Variants in IL18 observed in about 807,000 individuals in gnomAD.
The protein encoded by IL18 is interleukin-18.
Under a neutral mutation model 14.2 loss-of-function variants are expected in IL18, and 8 were observed. The observed-to-expected ratio is 0.56, with a 90% CI of 0.33 to 1.01. IL18 has a LOEUF of 1.01. Among genes scored for constraint, IL18 ranks in the 50% least tolerant of loss-of-function variants. IL18 has a pLI of 0.03. For missense variants in IL18, 166 were observed against 231.1 expected (o/e 0.72, Z 1.83); for synonymous variants, 67 against 71.0 (o/e 0.94, Z 0.28).
chr11:112,149,391 A>ATTGTT (rs1866397535), intron 4 of IL18, among the ~76,000 whole-genome samples: 1 of 151,962 alleles, frequency 6.6e-6, no homozygotes, highest in Non-Finnish European at 1.5e-5. Context: ...ATTCTAAAAG[A>ATTGTT]TTGTTTTTAA....
intron 1 of IL18, among the ~76,000 whole-genome samples, chr11:112,163,236 C>T (rs914579586): frequency 6.6e-6 from 1 of 152,078 alleles, no homozygotes; most frequent in African/African-American, 2.4e-5. Context: ...GTAGCCCAGT[C>T]CAAAGGTGTG....
chr11:112,156,149 T>C (rs1010918116), intron 1 of IL18, among the ~76,000 whole-genome samples: 1 of 152,162 alleles, frequency 6.6e-6, no homozygotes, highest in African/African-American at 2.4e-5. Context: ...TATTCATAAA[T>C]CTGTGCTCAA....
intron 5 of IL18, among the ~76,000 whole-genome samples, chr11:112,147,883 CT>C (rs1866369895): frequency 6.6e-6 from 1 of 152,262 alleles, no homozygotes; most frequent in Non-Finnish European, 1.5e-5. Flanking sequence ...CCTGGCTACT[CT>C]TACTGGCTCA....
At chr11:112,150,993 G>A (rs1866428905) in intron 3 of IL18, 1 of 152,164 alleles carries the variant, frequency 6.6e-6, no homozygotes, top group Admixed American at 6.5e-5. Flanking sequence ...TGCTCGGCAT[G>A]TACCCTCTAC....
At position 112,151,380 on chromosome 11, in the gene IL18, T is replaced by C. The variant is rs528320772; in HGVS notation, c.92-1174A>G. ...ATATACATAGAAAGGAGTGTAGAAA[T>C]ATTGTATCAAAATGGTAGCTATCAT... is the stretch of plus-strand genomic sequence containing the variant. On this transcript the variant is annotated intron_variant, in intron 3 of 5. Transcript: ENST00000280357. 3.3e-5 allele frequency among the ~76,000 whole-genome samples: 5 copies of C among 152,246 alleles called. No individual in the cohort carries two copies. The East Asian group carries it at 9.6e-4, about 29-fold the overall frequency.
At chr11:112,147,714 C>T (rs1421331609) in intron 5 of IL18, among the ~76,000 whole-genome samples, 1 of 152,142 alleles carries the variant, frequency 6.6e-6, no homozygotes, top group East Asian at 1.9e-4. Context: ...TTCTCCCTAC[C>T]AAGTTGCCCC....
chr11:112,144,436 G>A (rs972152467), intron 5 of IL18, among the ~76,000 whole-genome samples: 9 of 152,086 alleles, frequency 5.9e-5, no homozygotes, highest in African/African-American at 1.7e-4. Flanking sequence ...GGGGTCAGGG[G>A]GTATCTCACT....
chr11:112,153,618 AAG>A lies in IL18; in HGVS notation c.80-17_80-16del, dbSNP rs1359430236. The A allele has an allele frequency of 2.6e-6, 4 of 1,548,104 alleles. No individual in the cohort carries two copies. Among genetic ancestry groups the A allele is most frequent in the East Asian group, 2.3e-5 (1 of 44,268 alleles). On this transcript the variant is annotated splice_polypyrimidine_tract_variant and intron_variant, in intron 2 of 5. Transcript: ENST00000280357. ...ATCATCTTCAGCTAAGAGGGGGAAA[AAG>A]AGAGAAACAGAATATGTAAAATTTT...
chr11:112,146,238 T>C (rs578240651), intron 5 of IL18, among the ~76,000 whole-genome samples: 1 of 152,266 alleles, frequency 6.6e-6, no homozygotes, highest in South Asian at 2.1e-4. Context: ...CTTAGTGTTG[T>C]CAAGGTTCTT....
At chr11:112,149,432 A>G (rs1303979727) in intron 4 of IL18, among the ~76,000 whole-genome samples, 1 of 152,036 alleles carries the variant, frequency 6.6e-6, no homozygotes, top group African/African-American at 2.4e-5. Flanking sequence ...TATTTAAAAT[A>G]TATGTTAAGG....
At chr11:112,161,596 C>T (rs569543591) in intron 1 of IL18, among the ~76,000 whole-genome samples, 105 of 152,224 alleles carry the variant, frequency 6.9e-4, no homozygotes, top group Admixed American at 2.4e-3. Context: ...GTCAGGAGTT[C>T]GAGACCAGCC....
intron 5 of IL18, among the ~76,000 whole-genome samples, chr11:112,148,375 C>T (rs1866377249): frequency 6.6e-6 from 1 of 152,104 alleles, no homozygotes; most frequent in Non-Finnish European, 1.5e-5. Context: ...GTGACAGGCT[C>T]AGAAAAACCA....
intron 1 of IL18, among the ~76,000 whole-genome samples, chr11:112,158,703 A>G (rs1866577891): frequency 6.6e-6 from 1 of 152,190 alleles, no homozygotes; most frequent in South Asian, 2.1e-4. Context: ...AATTCTACCA[A>G]GTATAAGAGA....
chr11:112,154,658 CT>C (rs1866502446), intron 2 of IL18, among the ~76,000 whole-genome samples: 1 of 152,188 alleles, frequency 6.6e-6, no homozygotes, highest in South Asian at 2.1e-4. Flanking sequence ...CAGTTTTGTA[CT>C]GGGATTTTTC....
Position 112,145,872 on chromosome 11 carries a change from G to T in IL18, c.361-2055C>A, listed in dbSNP as rs1285293600. ...AGAATAGAGGTAAGGACATCCTTGG[G>T]CAGTAGCTTTCCTAGTTTTGATGTT... On this transcript the variant is annotated intron_variant, in intron 5 of 5. Transcript: ENST00000280357. Among the ~76,000 whole-genome samples, 4 of 152,146 alleles carry T rather than the reference G, an allele frequency of 2.6e-5. No individual in the cohort carries two copies. The South Asian group carries it at 8.3e-4, about 31-fold the overall frequency.
intron 5 of IL18, among the ~76,000 whole-genome samples, chr11:112,147,566 G>T (rs1202290809): frequency 6.6e-6 from 1 of 152,198 alleles, no homozygotes; most frequent in Non-Finnish European, 1.5e-5. Context: ...TGCCTGTCAG[G>T]TCTAGAATGG....
chr11:112,154,290 C>T (rs563017491), intron 2 of IL18, among the ~76,000 whole-genome samples: 1 of 151,934 alleles, frequency 6.6e-6, no homozygotes, highest in African/African-American at 2.4e-5. Context: ...TTTGGGAGGC[C>T]GAGGCAGGAG....
intron 1 of IL18, among the ~76,000 whole-genome samples, chr11:112,155,447 C>T (rs1866515926): frequency 6.6e-6 from 1 of 152,092 alleles, no homozygotes; most frequent in African/African-American, 2.4e-5. Flanking sequence ...TCATCCTTCT[C>T]TTACAACCAG....
chr11:112,153,562 C>A, intron 3 of IL18, 30 bp downstream of exon 3: 1 of 1,500,210 alleles, frequency 6.7e-7, no homozygotes, highest in Non-Finnish European at 9.1e-7. Flanking sequence ...ACTTAGTTTG[C>A]AAAGAAAAAT....
Sources: gnomAD v4.1 joint callset for allele counts (sites outside exome capture counted in the v4.1 genomes callset) on GRCh38, gnomAD v4.1.1 for gene constraint, MANE v1.5 for transcripts, NCBI Gene and HGNC (gene_info 2026-07-23, HGNC 2026-07-21) for gene names.